MSN: variants seen among roughly 807,000 people sequenced by gnomAD.
MSN encodes epididymis luminal protein 70.
A neutral mutation model predicts 48.0 loss-of-function variants in MSN; 2 were observed. The observed-to-expected ratio is 0.04, with a 90% CI of 0.02 to 0.13. MSN has a LOEUF of 0.13. Ranked by LOEUF, MSN falls within the 10% of genes least tolerant of loss-of-function variation. The probability of loss-of-function intolerance (pLI) is 1.00; values close to 1 mark genes in which losing one functional copy is unlikely to be tolerated. For synonymous variants in MSN, 146 were observed against 166.9 expected (o/e 0.87, Z 0.97); for missense variants, 267 against 470.1 (o/e 0.57, Z 3.99).
intron 7 of MSN, among the ~76,000 whole-genome samples, chrX:65,733,931 G>C (rs1483786710): frequency 9.0e-6 from 1 of 110,637 alleles, no homozygotes; most frequent in Non-Finnish European, 1.9e-5. Context: ...TGGGATTATA[G>C]GCGTGAGCCA....
chrX:65,617,368 T>C (rs1569454428), intron 1 of MSN, among the ~76,000 whole-genome samples: 2 of 109,667 alleles, frequency 1.8e-5, no homozygotes, highest in Non-Finnish European at 3.8e-5. Flanking sequence ...CTATTGATTA[T>C]TGCCACAATT....
At chrX:65,595,872 C>CTG (rs760750712) in intron 1 of MSN, among the ~76,000 whole-genome samples, 1 of 112,140 alleles carries the variant, frequency 8.9e-6, no homozygotes, top group Admixed American at 9.4e-5. Context: ...TCCACGTTTC[C>CTG]TGAATGCCAG....
chrX:65,642,968 C>T (rs144597733), intron 1 of MSN, among the ~76,000 whole-genome samples: 2,285 of 110,736 alleles, frequency 0.021, 43 homozygotes, highest in Non-Finnish European at 0.03. Flanking sequence ...TCTCCCCTCC[C>T]TAGCCACCCC....
At chrX:65,593,637 G>T (rs901103402) in intron 1 of MSN, among the ~76,000 whole-genome samples, 1 of 112,181 alleles carries the variant, frequency 8.9e-6, no homozygotes, top group Non-Finnish European at 1.9e-5. Context: ...CTGCCTCCCA[G>T]GTTCAAGCGA....
At chrX:65,679,912 G>C (rs1485931172) in intron 1 of MSN, among the ~76,000 whole-genome samples, 1 of 112,585 alleles carries the variant, frequency 8.9e-6, no homozygotes, top group African/African-American at 3.2e-5. Context: ...TAGTTGGGTA[G>C]TGCTGGGCAG....
At chrX:65,618,167 C>T (rs1482334951) in intron 1 of MSN, among the ~76,000 whole-genome samples, 1 of 111,757 alleles carries the variant, frequency 8.9e-6, no homozygotes, top group Non-Finnish European at 1.9e-5. Flanking sequence ...GTGATGCTGA[C>T]AAAGATATAT....
intron 1 of MSN, among the ~76,000 whole-genome samples, chrX:65,690,626 G>T (rs1439169321): frequency 8.9e-6 from 1 of 111,806 alleles, no homozygotes; most frequent in Non-Finnish European, 1.9e-5. Flanking sequence ...TGAGCTCAAG[G>T]ACCTGGTGAC....
At chrX:65,686,726 G>A (rs2071118983) in intron 1 of MSN, among the ~76,000 whole-genome samples, 1 of 112,044 alleles carries the variant, frequency 8.9e-6, no homozygotes, top group African/African-American at 3.2e-5. Context: ...AAGTGGGAAT[G>A]ATTATGTGTT....
At chrX:65,595,600 C>T (rs769865685) in intron 1 of MSN, among the ~76,000 whole-genome samples, 16 of 112,115 alleles carry the variant, frequency 1.4e-4, no homozygotes, top group African/African-American at 5.2e-4. Flanking sequence ...TCTAGTTGGG[C>T]CTGCACTTCC....
chrX:65,716,275 CT>C (rs1364718394), intron 1 of MSN, among the ~76,000 whole-genome samples: 2 of 111,069 alleles, frequency 1.8e-5, no homozygotes, highest in African/African-American at 6.6e-5. Context: ...GATCTGCATT[CT>C]TTTTTAAAAA....
chrX:65,710,551 T>C (rs1346345737), intron 1 of MSN, among the ~76,000 whole-genome samples: 1 of 111,255 alleles, frequency 9.0e-6, no homozygotes, highest in Non-Finnish European at 1.9e-5. Flanking sequence ...TTTGTTCAAT[T>C]ATAATGTAGG....
chrX:65,606,365 G>C (rs1387848507), intron 1 of MSN, among the ~76,000 whole-genome samples: 2 of 109,107 alleles, frequency 1.8e-5, no homozygotes, highest in Non-Finnish European at 3.8e-5. Context: ...CTGACCTCGT[G>C]ATCCACCCGC....
At chrX:65,600,101 C>G (rs1253316034) in intron 1 of MSN, among the ~76,000 whole-genome samples, 1 of 110,803 alleles carries the variant, frequency 9.0e-6, no homozygotes, top group Non-Finnish European at 1.9e-5. Context: ...TTAGAGAAAA[C>G]ATAGGATCTG....
chrX:65,687,171 C>T (rs767505031), intron 1 of MSN, among the ~76,000 whole-genome samples: 41 of 111,363 alleles, frequency 3.7e-4, no homozygotes, highest in African/African-American at 1.1e-3. Context: ...ATGGTGAAAC[C>T]CCGTCTCTAC....
intron 6 of MSN, among the ~76,000 whole-genome samples, 155 bp from the exon 7 acceptor site, chrX:65,733,029 T>C (rs766353535): frequency 1.8e-5 from 2 of 108,712 alleles, no homozygotes; most frequent in Non-Finnish European, 3.8e-5. Flanking sequence ...CCAACCTGGG[T>C]AACATAGTGA....
rs141467337 is a variant in MSN at position 65,700,209 on chromosome X, C to T, written c.13-16609C>T. Among the ~76,000 whole-genome samples the T allele has an allele frequency of 8.0e-5, 9 of 111,811 alleles. No homozygotes were observed. In the East Asian group the frequency reaches 2.2e-3, roughly 28 times the overall value. On this transcript the variant is annotated intron_variant, in intron 1 of 12. Coordinates refer to ENST00000360270, the MANE Select transcript of MSN (RefSeq NM_002444.3). The stretch of plus-strand genomic sequence containing the variant: ...TTTCTGTTTGTAAAGGATAAAATGT[C>T]AGCCTTGCAACACTCCGGTGAGGTA...
chrX:65,656,036 G>A (rs2070778680), intron 1 of MSN, among the ~76,000 whole-genome samples: 1 of 112,017 alleles, frequency 8.9e-6, no homozygotes, highest in African/African-American at 3.2e-5. Context: ...CAAAGTTCAG[G>A]GATTACAGGC....
At chrX:65,599,638 A>T (rs539655502) in intron 1 of MSN, among the ~76,000 whole-genome samples, 3 of 112,523 alleles carry the variant, frequency 2.7e-5, no homozygotes, top group Admixed American at 1.9e-4. Context: ...ATCTTAAAAA[A>T]TAATATTCAA....
At chrX:65,730,053 T>C (rs765318715) in intron 4 of MSN, among the ~76,000 whole-genome samples, 1 of 111,953 alleles carries the variant, frequency 8.9e-6, no homozygotes, top group Non-Finnish European at 1.9e-5. Flanking sequence ...TTAGATCTCT[T>C]ATATCAGAAG....
Sources: allele counts gnomAD v4.1 joint callset (sites outside exome capture counted in the v4.1 genomes callset), GRCh38; gene constraint gnomAD v4.1.1; transcripts MANE v1.5; gene names NCBI Gene and HGNC (gene_info 2026-07-23, HGNC 2026-07-21).